SRBD1: variants seen among roughly 807,000 people sequenced by gnomAD.
The protein encoded by SRBD1 is S1 RNA-binding domain-containing protein 1.
In SRBD1, 88 loss-of-function variants were observed where a neutral mutation model predicts 115.3. That is an observed-to-expected ratio of 0.76 (90% CI 0.64 to 0.91). SRBD1 has a LOEUF of 0.91. Ranked by LOEUF, SRBD1 falls within the 40% of genes least tolerant of loss-of-function variation. The pLI is 0.00. For missense variants in SRBD1, 1,385 were observed against 1,177.4 expected, an observed-to-expected ratio of 1.18 and a Z score of -2.58; for synonymous variants, 509 against 407.7, an observed-to-expected ratio of 1.25 and a Z score of -2.99.
At chr2:45,584,898 C>G (rs1673469961) in intron 5 of SRBD1, among the ~76,000 whole-genome samples, 1 of 152,190 alleles carries the variant, frequency 6.6e-6, no homozygotes, top group Non-Finnish European at 1.5e-5. Flanking sequence ...AGCCTATCAT[C>G]TCAGCACTTT....
At chr2:45,483,351 TC>T (rs1670022372) in intron 15 of SRBD1, among the ~76,000 whole-genome samples, 1 of 151,992 alleles carries the variant, frequency 6.6e-6, no homozygotes, top group African/African-American at 2.4e-5. Flanking sequence ...TGGGAAGGGA[TC>T]CCAGACTGAG....
intron 14 of SRBD1, among the ~76,000 whole-genome samples, chr2:45,492,495 G>A (rs1670328816): frequency 6.6e-6 from 1 of 152,146 alleles, no homozygotes; most frequent in East Asian, 1.9e-4. Context: ...CTGGAGTGCA[G>A]TGGCGCCATC....
rs141414700 is a variant in SRBD1, at chr2:45,490,815, G to C, written c.1875-2484C>G. ...ATACTGCCATTTCTTTTAAACAGAGGAATACAAAACAGATGTGACACATTG... is the reference window on the plus strand; with the variant it reads ...ATACTGCCATTTCTTTTAAACAGAGCAATACAAAACAGATGTGACACATTG... On this transcript the variant is annotated intron_variant, in intron 14 of 20. Coordinates refer to ENST00000263736, the MANE Select transcript of SRBD1 (RefSeq NM_018079.5). Among the ~76,000 whole-genome samples the C allele has an allele frequency of 1.6e-4, 25 of 152,102 alleles. No individual in the cohort carries two copies. In the East Asian group the frequency reaches 4.4e-3, roughly 27 times the overall value.
chr2:45,577,010 G>T (rs1292496513), intron 7 of SRBD1, among the ~76,000 whole-genome samples: 62 of 152,276 alleles, frequency 4.1e-4, no homozygotes, highest in African/African-American at 1.5e-3. Context: ...AATCATACCA[G>T]GTACTTGTTA....
chr2:45,389,961 C>T (rs1666952390), intron 20 of SRBD1, among the ~76,000 whole-genome samples: 1 of 152,044 alleles, frequency 6.6e-6, no homozygotes, highest in Admixed American at 6.6e-5. Context: ...AAAGTAAGAC[C>T]TTTGGAAACA....
intron 18 of SRBD1, among the ~76,000 whole-genome samples, chr2:45,417,193 T>A (rs1224124113): frequency 2.6e-5 from 4 of 152,220 alleles, no homozygotes; most frequent in Non-Finnish European, 4.4e-5. Flanking sequence ...TTCCCCATGT[T>A]TTCTTCTGGT....
Position 45,605,344 on chromosome 2 carries a change from T to C in SRBD1, c.80+18A>G, listed in dbSNP as rs1284830746. Reference sequence around the variant, plus strand: ...TATTCATCATTCCCCTACCCACATATTAAACCAGTATGCTTACAACTCAGA... The same window carrying C: ...TATTCATCATTCCCCTACCCACATACTAAACCAGTATGCTTACAACTCAGA... On this transcript the variant is annotated intron_variant, in intron 2 of 20. Transcript: ENST00000263736. The C allele has an allele frequency of 2.5e-6, 4 of 1,604,544 alleles. No individual in the cohort carries two copies. Among genetic ancestry groups the C allele is most frequent in the Non-Finnish European group, 3.4e-6 (4 of 1,172,934 alleles).
rs58514862 is a variant in SRBD1 at position 45,397,535 on chromosome 2, T to C, written c.2514-4406A>G. ...TACAGAAGGAGTGCTGGCTTCACCA[T>C]AGGGGCTGTTCTAGCAGTCAAATCA... On this transcript the variant is annotated intron_variant, in intron 19 of 20. Coordinates refer to ENST00000263736, the MANE Select transcript of SRBD1 (RefSeq NM_018079.5). Among the ~76,000 whole-genome samples the C allele has an allele frequency of 6.8e-3, 1,034 of 152,310 alleles. 14 individuals are homozygous for C. The highest frequency in any genetic ancestry group is 0.024 in the African/African-American group (981 of 41,580).
At chr2:45,534,168 T>A (rs919842084) in intron 14 of SRBD1, among the ~76,000 whole-genome samples, 1 of 151,954 alleles carries the variant, frequency 6.6e-6, no homozygotes, top group East Asian at 1.9e-4. Flanking sequence ...CACACACACA[T>A]ATACATACAC....
At chr2:45,497,987 G>C (rs1670513964) in intron 14 of SRBD1, among the ~76,000 whole-genome samples, 1 of 152,134 alleles carries the variant, frequency 6.6e-6, no homozygotes, top group African/African-American at 2.4e-5. Flanking sequence ...CTGGGCGACA[G>C]AGTGAGATTC....
At position 45,442,634 on chromosome 2, in the gene SRBD1, T is replaced by C. The variant is rs2103713829; in HGVS notation, c.2050-22740A>G. On this transcript the variant is annotated intron_variant, in intron 16 of 20. Transcript: ENST00000263736. ...ATGTTGGTCCTTAAAGAAACAGCTATATGAGCAAGATCAGGACTCAGATAA... is the reference window on the plus strand; with the variant it reads ...ATGTTGGTCCTTAAAGAAACAGCTACATGAGCAAGATCAGGACTCAGATAA... 1.3e-5 allele frequency among the ~76,000 whole-genome samples: 2 copies of C among 152,348 alleles called. 1 individual carries two copies. The highest frequency in any genetic ancestry group is 4.1e-4 in the South Asian group (2 of 4,826).
chr2:45,393,672 G>A (rs542685795), intron 19 of SRBD1, among the ~76,000 whole-genome samples: 228 of 152,216 alleles, frequency 1.5e-3, no homozygotes, highest in Non-Finnish European at 2.9e-3. Flanking sequence ...AAGCCACTGC[G>A]TCCAGCCAAA....
intron 14 of SRBD1, among the ~76,000 whole-genome samples, chr2:45,519,689 T>A (rs551321804): frequency 5.9e-5 from 9 of 152,338 alleles, no homozygotes; most frequent in South Asian, 2.1e-4. Context: ...TGTGATTTTT[T>A]AAAAATTTTT....
At chr2:45,443,232 G>A (rs578074527) in intron 16 of SRBD1, among the ~76,000 whole-genome samples, 117 of 152,184 alleles carry the variant, frequency 7.7e-4, no homozygotes, top group Non-Finnish European at 1.4e-3. Flanking sequence ...TCAAGAGGGA[G>A]ATGATGGCTG....
chr2:45,394,139 C>T (rs955244753), intron 19 of SRBD1, among the ~76,000 whole-genome samples: 1 of 152,124 alleles, frequency 6.6e-6, no homozygotes, highest in Admixed American at 6.6e-5. Flanking sequence ...TCTTTATATT[C>T]TTTATACATT....
intron 19 of SRBD1, 84 bp from the exon 20 acceptor site, chr2:45,393,213 T>C: frequency 2.9e-6 from 4 of 1,370,942 alleles, no homozygotes; most frequent in Non-Finnish European, 3.9e-6. Context: ...CTAAAATTCA[T>C]TCATCTTAGA....
intron 14 of SRBD1, among the ~76,000 whole-genome samples, chr2:45,498,612 T>C (rs1174708992): frequency 6.6e-6 from 1 of 152,168 alleles, no homozygotes; most frequent in Non-Finnish European, 1.5e-5. Context: ...ATTTCCCCAC[T>C]GTACTACGGA....
intron 16 of SRBD1, among the ~76,000 whole-genome samples, chr2:45,426,070 C>T (rs990325877): frequency 2.0e-5 from 3 of 152,178 alleles, no homozygotes; most frequent in African/African-American, 7.2e-5. Context: ...ATCCCAACCC[C>T]ATGGAGCTCA....
chr2:45,494,289 C>A (rs943870530), intron 14 of SRBD1, among the ~76,000 whole-genome samples: 88 of 151,970 alleles, frequency 5.8e-4, no homozygotes, highest in African/African-American at 2.1e-3. Flanking sequence ...TCTGCAATAA[C>A]CATGTAATAC....
Sources: allele counts gnomAD v4.1 joint callset (sites outside exome capture counted in the v4.1 genomes callset), GRCh38; gene constraint gnomAD v4.1.1; transcripts MANE v1.5; gene names NCBI Gene and HGNC (gene_info 2026-07-23, HGNC 2026-07-21).